Variants in SGCD observed in about 807,000 individuals in gnomAD.
SGCD encodes delta-sarcoglycan.
In SGCD, 18 loss-of-function variants were observed where a neutral mutation model predicts 36.6. The observed-to-expected ratio is 0.49, with a 90% CI of 0.34 to 0.73. The LOEUF (loss-of-function observed/expected upper bound fraction) is 0.73, where lower values mean the gene tolerates loss of function less well. Ranked by LOEUF, SGCD falls within the 30% of genes least tolerant of loss-of-function variation. SGCD has a pLI of 0.01. For synonymous variants in SGCD, 133 were observed against 130.6 expected (o/e 1.02, Z -0.12); for missense variants, 387 against 346.7 (o/e 1.12, Z -0.92).
At chr5:156,758,413 C>T (rs146306910) in intron 8 of SGCD, among the ~76,000 whole-genome samples, 1,914 of 151,042 alleles carry the variant, frequency 0.013, 19 homozygotes, top group Non-Finnish European at 0.02. Context: ...AAGAAAAATG[C>T]TATTCCACCT....
intron 4 of SGCD, among the ~76,000 whole-genome samples, chr5:156,581,699 A>G (rs2113339128): frequency 6.6e-6 from 1 of 152,282 alleles, no homozygotes; most frequent in African/African-American, 2.4e-5. Context: ...GCAGTGAGCA[A>G]GGCTCTGTGG....
chr5:156,623,796 G>C (rs1762343186), intron 6 of SGCD, among the ~76,000 whole-genome samples: 1 of 152,192 alleles, frequency 6.6e-6, no homozygotes, highest in Non-Finnish European at 1.5e-5. Flanking sequence ...CATCTCAGCT[G>C]CCAAGGAAAA....
chr5:155,848,005 A>G, the SGCD span, among the ~76,000 whole-genome samples: 1 of 152,326 alleles, frequency 6.6e-6, no homozygotes, highest in Non-Finnish European at 1.5e-5. Context: ...TGTCTCATTC[A>G]TCTTTATATT....
At chr5:155,830,752 C>T in the SGCD span, among the ~76,000 whole-genome samples, 3 of 152,280 alleles carry the variant, frequency 2.0e-5, no homozygotes, top group Admixed American at 6.5e-5. Context: ...CATTCTCATA[C>T]GACCTGTTGT....
intron 1 of SGCD, among the ~76,000 whole-genome samples, chr5:155,934,914 A>T (rs1418336355): frequency 6.6e-6 from 1 of 152,182 alleles, no homozygotes; most frequent in Non-Finnish European, 1.5e-5. Flanking sequence ...GCCTGGAGTA[A>T]GTAAGTTCCT....
At chr5:156,477,085 A>T (rs1247701474) in intron 3 of SGCD, among the ~76,000 whole-genome samples, 1 of 151,262 alleles carries the variant, frequency 6.6e-6, no homozygotes, top group Non-Finnish European at 1.5e-5. Context: ...TACAGTTGTC[A>T]GTGCTAAATG....
chr5:156,468,270 G>A (rs573633952), intron 3 of SGCD, among the ~76,000 whole-genome samples: 1 of 149,758 alleles, frequency 6.7e-6, no homozygotes, highest in East Asian at 2.0e-4. Context: ...GAGCCCAGGA[G>A]TTTGAGACCA....
At chr5:156,246,838 A>G (rs1360708430) in intron 3 of SGCD, among the ~76,000 whole-genome samples, 8 of 152,182 alleles carry the variant, frequency 5.3e-5, no homozygotes, top group Non-Finnish European at 7.4e-5. Flanking sequence ...TGACAACAAC[A>G]TACAATCCAC....
intron 3 of SGCD, among the ~76,000 whole-genome samples, chr5:156,383,029 A>G (rs569526584): frequency 1.4e-4 from 22 of 152,308 alleles, no homozygotes; most frequent in African/African-American, 4.8e-4. Flanking sequence ...AGAAGCTGTT[A>G]AAGAGTAGAT....
At chr5:155,968,361 A>G (rs1045673413) in intron 1 of SGCD, among the ~76,000 whole-genome samples, 6 of 152,234 alleles carry the variant, frequency 3.9e-5, no homozygotes, top group Middle Eastern at 3.4e-3. Context: ...TTTATTTACT[A>G]TATGAGTATA....
At chr5:155,919,665 C>T (rs1388007351) in intron 1 of SGCD, among the ~76,000 whole-genome samples, 3 of 152,200 alleles carry the variant, frequency 2.0e-5, no homozygotes, top group Non-Finnish European at 4.4e-5. Context: ...GCAATCCATT[C>T]AACATCAAGG....
chr5:155,801,769 T>TGAAG, the SGCD span, among the ~76,000 whole-genome samples: 1 of 152,228 alleles, frequency 6.6e-6, no homozygotes, highest in Non-Finnish European at 1.5e-5. Context: ...TAACTTGGAA[T>TGAAG]TGAGGAGAAA....
intron 3 of SGCD, among the ~76,000 whole-genome samples, chr5:156,363,996 G>T (rs970432405): frequency 6.6e-6 from 1 of 152,128 alleles, no homozygotes; most frequent in Non-Finnish European, 1.5e-5. Flanking sequence ...ATGATCATTG[G>T]CTTGGTGGTC....
rs1441909764 is a variant in SGCD at position 156,669,521 on chromosome 5, G to A, written c.575+21985G>A. ...TCCCCACAATCCATAAGGATAAGCA[G>A]TTTGAAAGAAAAAGTAATTCAGGTA... On this transcript the variant is annotated intron_variant, in intron 7 of 8. Coordinates refer to ENST00000337851, the MANE Select transcript of SGCD (RefSeq NM_000337.6). 5.3e-5 allele frequency among the ~76,000 whole-genome samples: 8 copies of A among 152,288 alleles called. No homozygotes were observed. In the South Asian group the frequency reaches 1.7e-3, roughly 32 times the overall value.
rs1173337634 is a variant in SGCD at position 156,766,173 on chromosome 5, C to T, written c.*6783C>T. ...ACATACATCTCTTTCCTTTATACTT[C>T]CCTTCAAAAGACAAATATCTTACTT... On this transcript the variant is annotated 3_prime_UTR_variant, in exon 9 of 9. Coordinates refer to ENST00000337851, the MANE Select transcript of SGCD (RefSeq NM_000337.6). 2.0e-5 allele frequency: 3 copies of T among 152,080 alleles called. No individual in the cohort carries two copies. The highest frequency in any genetic ancestry group is 6.6e-5 in the Admixed American group (1 of 15,242). 9.4% of individuals were successfully genotyped at this position (152,080 alleles called of 1,614,324 possible).
At chr5:156,723,086 G>A (rs1269345400) in intron 7 of SGCD, among the ~76,000 whole-genome samples, 1 of 152,210 alleles carries the variant, frequency 6.6e-6, no homozygotes, top group African/African-American at 2.4e-5. Flanking sequence ...AAAAGCTTCT[G>A]TAATGCCAGC....
intron 3 of SGCD, among the ~76,000 whole-genome samples, chr5:156,450,700 C>G (rs947040272): frequency 2.2e-4 from 34 of 152,126 alleles, no homozygotes; most frequent in African/African-American, 7.9e-4. Flanking sequence ...CACTGGCATT[C>G]ATTTTCAAAT....
intron 3 of SGCD, among the ~76,000 whole-genome samples, chr5:156,166,474 G>A (rs910408643): frequency 3.9e-5 from 6 of 152,080 alleles, no homozygotes; most frequent in African/African-American, 1.2e-4. Flanking sequence ...CAGACACCAC[G>A]CCTGGCTAAT....
chr5:156,491,720 G>A lies in SGCD; in HGVS notation c.193-16881G>A, dbSNP rs187343629. 2.7e-3 allele frequency among the ~76,000 whole-genome samples: 416 copies of A among 152,158 alleles called. 5 individuals carry two copies. Among genetic ancestry groups the A allele is most frequent in the African/African-American group, 9.7e-3 (402 of 41,534 alleles). On this transcript the variant is annotated intron_variant, in intron 3 of 8. Transcript: ENST00000337851. ...AGCACCCTACTTTAATTTCTAATTG[G>A]CTGCAGTAATTGTAAATTCTTACCA...
Sources: allele counts gnomAD v4.1 joint callset (sites outside exome capture counted in the v4.1 genomes callset), GRCh38; gene constraint gnomAD v4.1.1; transcripts MANE v1.5; gene names NCBI Gene and HGNC (gene_info 2026-07-23, HGNC 2026-07-21).